Variants in AP3M1 observed in about 807,000 individuals in gnomAD.
AP3M1 encodes the protein AP-3 complex subunit mu-1.
Under a neutral mutation model 42.6 loss-of-function variants are expected in AP3M1, and 29 were observed. That is an observed-to-expected ratio of 0.68 (90% CI 0.51 to 0.93). The LOEUF (loss-of-function observed/expected upper bound fraction) is 0.93, where lower values mean the gene tolerates loss of function less well. AP3M1 is among the 40% of genes least tolerant of loss of function. The pLI is 0.00. For synonymous variants in AP3M1, 178 were observed against 175.3 expected (o/e 1.02, Z -0.12); for missense variants, 416 against 510.2 (o/e 0.82, Z 1.78).
intron 1 of AP3M1, among the ~76,000 whole-genome samples, chr10:74,145,600 ACTTT>A (rs1007289717): frequency 1.3e-5 from 2 of 152,156 alleles, no homozygotes; most frequent in Non-Finnish European, 2.9e-5. Context: ...ATTTTCATAA[ACTTT>A]CTGAGAAAAC....
chr10:74,123,670 T>G lies in AP3M1; in HGVS notation c.*140A>C. On this transcript the variant is annotated 3_prime_UTR_variant, in exon 9 of 9. Coordinates refer to ENST00000355264, the MANE Select transcript of AP3M1 (RefSeq NM_012095.6). ...TCCTTAAGAATCCTACATTGATAAC[T>G]AAGTAACTTTGTTAGCGGTGTGTAG... 1 of 682,318 alleles carries G rather than the reference T, an allele frequency of 1.5e-6. No homozygotes were observed. The highest frequency in any genetic ancestry group is 2.6e-6 in the Non-Finnish European group (1 of 385,208). The allele number at this position is 682,318 out of a possible 1,614,324, so 42.3% of individuals were successfully genotyped here. A position where few individuals can be genotyped will look rare whatever the true frequency, so the allele number is the denominator to read the frequency against.
At chr10:74,130,464 T>G (rs886138646) in intron 4 of AP3M1, among the ~76,000 whole-genome samples, 2 of 151,562 alleles carry the variant, frequency 1.3e-5, no homozygotes, top group African/African-American at 4.8e-5. Flanking sequence ...TTTTTTTTTT[T>G]GAGACAGGGT....
intron 4 of AP3M1, among the ~76,000 whole-genome samples, chr10:74,130,737 C>T (rs778014136): frequency 6.6e-6 from 1 of 152,154 alleles, no homozygotes; most frequent in Non-Finnish European, 1.5e-5. Context: ...GCTACCATAC[C>T]CAGCCAGAAT....
chr10:74,127,481 TA>T (rs1054342149), intron 6 of AP3M1, among the ~76,000 whole-genome samples: 188 of 141,572 alleles, frequency 1.3e-3, no homozygotes, highest in Non-Finnish European at 1.1e-3. Context: ...CCCTCTCTAA[TA>T]AAAAAAAAAA....
chr10:74,139,913 CAAAA>C (rs35170560), intron 1 of AP3M1, among the ~76,000 whole-genome samples: 1 of 111,634 alleles, frequency 9.0e-6, no homozygotes, highest in Admixed American at 9.4e-5. Context: ...GACTCCATCT[CAAAA>C]AAAAAAAAAA....
chr10:74,129,307 C>T (rs1840706778), intron 5 of AP3M1, 66 bp from the exon 6 acceptor site: 2 of 1,530,844 alleles, frequency 1.3e-6, no homozygotes, highest in Non-Finnish European at 1.8e-6. Flanking sequence ...ACTCAGATAC[C>T]TTGACAAATA....
chr10:74,130,428 C>T (rs1050081905), intron 4 of AP3M1, among the ~76,000 whole-genome samples: 6 of 152,104 alleles, frequency 3.9e-5, no homozygotes, highest in African/African-American at 9.6e-5. Context: ...ACTGAGACTA[C>T]AGGTATGCCA....
intron 4 of AP3M1, 35 bp downstream of exon 4, chr10:74,133,992 T>C (rs767927972): frequency 6.2e-7 from 1 of 1,609,076 alleles, no homozygotes; most frequent in Admixed American, 1.7e-5. Context: ...AGATGAATTG[T>C]TTTTCCCCAA....
chr10:74,135,812 C>T (rs1212608501), intron 3 of AP3M1, among the ~76,000 whole-genome samples: 1 of 152,112 alleles, frequency 6.6e-6, no homozygotes, highest in African/African-American at 2.4e-5. Context: ...TCTTATCTTT[C>T]TTTGAATTTC....
chr10:74,134,970 C>A (rs1840897919), intron 3 of AP3M1, among the ~76,000 whole-genome samples: 1 of 151,874 alleles, frequency 6.6e-6, no homozygotes, highest in African/African-American at 2.4e-5. Context: ...ATATTTCCAC[C>A]ACCAGAAGGT....
At chr10:74,150,175 A>T (rs1313736470) in intron 1 of AP3M1, among the ~76,000 whole-genome samples, 1 of 152,180 alleles carries the variant, frequency 6.6e-6, no homozygotes, top group Non-Finnish European at 1.5e-5. Context: ...GATAAAACTC[A>T]AACTCCATAA....
chr10:74,148,898 G>C (rs1451942267), intron 1 of AP3M1, among the ~76,000 whole-genome samples: 2 of 150,772 alleles, frequency 1.3e-5, no homozygotes. Flanking sequence ...TTTTGAGACG[G>C]AGTCTTACTC....
chr10:74,123,636 G>A lies in AP3M1; in HGVS notation c.*174C>T, dbSNP rs184307043. 2,627 of 600,430 alleles carry A rather than the reference G, an allele frequency of 4.4e-3. 9 individuals are homozygous for A. The highest frequency in any genetic ancestry group is 6.4e-3 in the Non-Finnish European group (2,161 of 337,072). 37.2% of individuals were successfully genotyped at this position (600,430 alleles called of 1,614,324 possible). A position where few individuals can be genotyped will look rare whatever the true frequency, so the allele number is the denominator to read the frequency against. On this transcript the variant is annotated 3_prime_UTR_variant, in exon 9 of 9. Transcript: ENST00000355264. ...GCTAAGTCACTAAAAGGTTTCCTTA[G>A]CTTAAAGCTCCTTAAGAATCCTACA...
intron 3 of AP3M1, among the ~76,000 whole-genome samples, chr10:74,135,273 T>C (rs1840908237): frequency 6.6e-6 from 1 of 152,160 alleles, no homozygotes; most frequent in African/African-American, 2.4e-5. Context: ...AAACTTTAGG[T>C]TTTTCTCTTT....
chr10:74,148,028 A>T (rs1390369352), intron 1 of AP3M1, among the ~76,000 whole-genome samples: 2 of 152,150 alleles, frequency 1.3e-5, no homozygotes, highest in Non-Finnish European at 2.9e-5. Context: ...GTGGTAGTTC[A>T]GTGGAATGCT....
intron 1 of AP3M1, among the ~76,000 whole-genome samples, chr10:74,139,248 T>G (rs1841050010): frequency 6.6e-6 from 1 of 151,932 alleles, no homozygotes; most frequent in South Asian, 2.1e-4. Flanking sequence ...GCTAATAAAT[T>G]TAGTTCAGCA....
chr10:74,138,794 G>A (rs1002697271), intron 1 of AP3M1: 1 of 167,184 alleles, frequency 6.0e-6, no homozygotes, highest in Non-Finnish European at 1.3e-5. Context: ...AGCCAAGCAT[G>A]GTGGCACTTG....
chr10:74,125,388 G>GAT (rs1840585157), intron 7 of AP3M1, among the ~76,000 whole-genome samples: 1 of 152,234 alleles, frequency 6.6e-6, no homozygotes, highest in African/African-American at 2.4e-5. Context: ...AGGCTCAACA[G>GAT]CAGATGAGAA....
Position 74,120,438 on chromosome 10 carries a change from C to T in AP3M1, c.*3372G>A, listed in dbSNP as rs1457975122. Reference sequence around the variant, plus strand: ...GCTGGATGAAACAGTTTATTTTCATCTTAGAAGATTCTAGCTATCTGTGGA... The same window carrying T: ...GCTGGATGAAACAGTTTATTTTCATTTTAGAAGATTCTAGCTATCTGTGGA... On this transcript the variant is annotated 3_prime_UTR_variant, in exon 9 of 9. Transcript: ENST00000355264. 6.6e-6 allele frequency: 1 copy of T among 152,180 alleles called. No homozygotes were observed. Among genetic ancestry groups the T allele is most frequent in the African/African-American group, 2.4e-5 (1 of 41,436 alleles). 9.4% of individuals were successfully genotyped at this position (152,180 alleles called of 1,614,324 possible). A position where few individuals can be genotyped will look rare whatever the true frequency, so the allele number is the denominator to read the frequency against.
Sources: gnomAD v4.1 joint callset for allele counts (sites outside exome capture counted in the v4.1 genomes callset) on GRCh38, gnomAD v4.1.1 for gene constraint, MANE v1.5 for transcripts, NCBI Gene and HGNC (gene_info 2026-07-23, HGNC 2026-07-21) for gene names.